SP100: variants seen among roughly 807,000 people sequenced by gnomAD.
SP100 encodes nuclear autoantigen Sp-100.
Under a neutral mutation model 130.0 loss-of-function variants are expected in SP100, and 84 were observed. That is an observed-to-expected ratio of 0.65 (90% confidence interval 0.54 to 0.77). The LOEUF is 0.77. Ranked by LOEUF, SP100 falls within the 30% of genes least tolerant of loss-of-function variation. The pLI is 0.00. For missense variants in SP100, 978 were observed against 1,052.2 expected (o/e 0.93, Z 0.97); for synonymous variants, 331 against 351.7 (o/e 0.94, Z 0.66).
intron 12 of SP100, among the ~76,000 whole-genome samples, chr2:230,466,654 G>A (rs1286474297): frequency 6.6e-6 from 1 of 152,038 alleles, no homozygotes. Flanking sequence ...TTTTAGATGA[G>A]GGAAAGGTTG....
intron 2 of SP100, among the ~76,000 whole-genome samples, chr2:230,421,803 T>C (rs1197846043): frequency 1.3e-5 from 2 of 152,128 alleles, no homozygotes; most frequent in African/African-American, 4.8e-5. Flanking sequence ...GATTCTAAAA[T>C]CTCATGATGG....
chr2:230,450,113 T>C, intron 7 of SP100, 59 bp from the exon 8 acceptor site: 1 of 1,262,608 alleles, frequency 7.9e-7, no homozygotes, highest in Non-Finnish European at 1.1e-6. Context: ...TCTAACCAAA[T>C]GGAAACAGGA....
chr2:230,509,181 T>C (rs1690390609), intron 23 of SP100: 1 of 152,206 alleles, frequency 6.6e-6, no homozygotes, highest in South Asian at 2.1e-4. Flanking sequence ...GTCTTCATAC[T>C]ATATGTATTC....
intron 23 of SP100, chr2:230,509,619 T>G (rs948531832): frequency 6.6e-6 from 1 of 152,180 alleles, no homozygotes; most frequent in Non-Finnish European, 1.5e-5. Context: ...GCCTCGGTTC[T>G]CAGAGGATCT....
chr2:230,504,069 G>A, intron 20 of SP100, 117 bp from the exon 21 acceptor site: 1 of 593,716 alleles, frequency 1.7e-6, no homozygotes, highest in Non-Finnish European at 3.0e-6. Flanking sequence ...ACTGATTCAT[G>A]GGGGAAATAC....
In SP100 at chr2:230,417,495, T is replaced by G. The variant is rs192563763; in HGVS notation, c.33-96T>G. ...ATATTTCTTTTTGGGTTTTTACATC[T>G]AAACAAATATTTATCTTGTCTCTAA... On this transcript the variant is annotated intron_variant, in intron 1 of 28. Transcript: ENST00000340126. 26 of 1,473,288 alleles carry G rather than the reference T, an allele frequency of 1.8e-5. No homozygotes were observed. The Middle Eastern group carries it at 7.8e-4, about 44-fold the overall frequency. The allele number at this position is 1,473,288 out of a possible 1,614,324, so 91.3% of individuals were successfully genotyped here.
At chr2:230,539,116 GA>G (rs1256551469) in intron 24 of SP100, 150 bp from the exon 25 acceptor site, 2 of 513,558 alleles carry the variant, frequency 3.9e-6, no homozygotes, top group Non-Finnish European at 7.1e-6. Context: ...CTTTGCCGCA[GA>G]CCAAAATGTC....
chr2:230,521,733 G>A (rs377753889), intron 24 of SP100, among the ~76,000 whole-genome samples: 1 of 152,298 alleles, frequency 6.6e-6, no homozygotes, highest in East Asian at 1.9e-4. Flanking sequence ...CATGGGCCAC[G>A]AGTCTCAGAA....
intron 17 of SP100, among the ~76,000 whole-genome samples, chr2:230,486,422 A>G (rs1476290590): frequency 6.6e-6 from 1 of 152,036 alleles, no homozygotes; most frequent in Non-Finnish European, 1.5e-5. Flanking sequence ...GAGAACATAC[A>G]GTGTTTGGTT....
intron 24 of SP100, among the ~76,000 whole-genome samples, chr2:230,536,586 C>G (rs1035004537): frequency 1.3e-5 from 2 of 152,134 alleles, no homozygotes; most frequent in Admixed American, 6.5e-5. Flanking sequence ...ACTGCCTAAC[C>G]AATAATCTCC....
In SP100 at chr2:230,464,299, C is replaced by T. The variant is rs180754913; in HGVS notation, c.1141+149C>T. 1,675 of 601,150 alleles carry T rather than the reference C, an allele frequency of 2.8e-3. 8 individuals carry two copies. Among genetic ancestry groups the T allele is most frequent in the Non-Finnish European group, 4.2e-3 (1,376 of 329,836 alleles). 37.2% of individuals were successfully genotyped at this position (601,150 alleles called of 1,614,324 possible). On this transcript the variant is annotated intron_variant, in intron 11 of 28. Transcript: ENST00000340126. ...ATATCACTTTCTACATTTAACCTCTCTGGCCCTGTTGAGAAATGGAAGACA... is the reference window on the plus strand; with the variant it reads ...ATATCACTTTCTACATTTAACCTCTTTGGCCCTGTTGAGAAATGGAAGACA...
At chr2:230,451,644 T>C (rs938162520) in intron 8 of SP100, among the ~76,000 whole-genome samples, 2 of 152,260 alleles carry the variant, frequency 1.3e-5, no homozygotes, top group Non-Finnish European at 2.9e-5. Context: ...AGCTTTTTAG[T>C]TTGATGTAAT....
intron 24 of SP100, among the ~76,000 whole-genome samples, chr2:230,514,705 G>T (rs964975659): frequency 1.3e-5 from 2 of 152,142 alleles, no homozygotes; most frequent in African/African-American, 4.8e-5. Context: ...CTTTTAAGTT[G>T]GCTTTGCTGG....
intron 17 of SP100, among the ~76,000 whole-genome samples, chr2:230,480,163 T>C (rs1182797459): frequency 6.6e-6 from 1 of 152,220 alleles, no homozygotes; most frequent in Non-Finnish European, 1.5e-5. Context: ...GACCATAAGC[T>C]CTACGCCAGC....
At chr2:230,435,793 A>T (rs2063245492) in intron 2 of SP100, among the ~76,000 whole-genome samples, 1 of 151,584 alleles carries the variant, frequency 6.6e-6, no homozygotes, top group African/African-American at 2.4e-5. Flanking sequence ...TTTAGCTCCC[A>T]CTTATAAGTG....
chr2:230,511,739 G>C (rs1367676119), intron 24 of SP100, among the ~76,000 whole-genome samples: 1 of 152,172 alleles, frequency 6.6e-6, no homozygotes, highest in African/African-American at 2.4e-5. Flanking sequence ...TGCTGAGCTG[G>C]TTAGGACAAA....
In SP100 at chr2:230,449,099, A is replaced by C; in HGVS notation, c.535A>C (p.Asn179His). ...TTTCTTCCTGCCAGGAACTGGTGAAAACTCTTTTCGAAGCCTGACTTGGCC... is the reference window on the plus strand; with the variant it reads ...TTTCTTCCTGCCAGGAACTGGTGAACACTCTTTTCGAAGCCTGACTTGGCC... The part of the protein sequence containing the change: ...QLSLEQGTGE[N>H]SFRSLTWPPS... Residue 179 changes from asparagine to histidine, a missense_variant, in exon 6 of 29, where the codon AAC becomes CAC. By Grantham distance (68) the Asn-to-His change is moderately conservative (BLOSUM62 1). Coordinates refer to ENST00000340126, the MANE Select transcript of SP100 (RefSeq NM_001080391.2). 1 of 1,606,308 alleles carries C rather than the reference A, an allele frequency of 6.2e-7. No homozygotes were observed. Among genetic ancestry groups the C allele is most frequent in the East Asian group, 2.2e-5 (1 of 44,838 alleles).
At chr2:230,459,945 C>T (rs376530676) in intron 8 of SP100, among the ~76,000 whole-genome samples, 2 of 152,198 alleles carry the variant, frequency 1.3e-5, no homozygotes, top group East Asian at 1.9e-4. Flanking sequence ...ATGTCTACCA[C>T]GCACCTGCGC....
intron 2 of SP100, among the ~76,000 whole-genome samples, chr2:230,424,877 C>A (rs1022506703): frequency 1.3e-5 from 2 of 152,038 alleles, no homozygotes; most frequent in African/African-American, 2.4e-5. Flanking sequence ...TTGAAAACTT[C>A]AAATTTGTCG....
Sources: allele counts gnomAD v4.1 joint callset (sites outside exome capture counted in the v4.1 genomes callset), GRCh38; gene constraint gnomAD v4.1.1; transcripts MANE v1.5; gene names NCBI Gene and HGNC (gene_info 2026-07-23, HGNC 2026-07-21).